PCDHA3: variants seen among roughly 807,000 people sequenced by gnomAD.
The protein encoded by PCDHA3 is protocadherin alpha 3, also known as protocadherin alpha-3.
PCDHA3 carries 41 observed loss-of-function variants against 62.2 expected under a neutral mutation model. The observed-to-expected ratio is 0.66, with a 90% CI of 0.51 to 0.86. The LOEUF is 0.86. Ranked by LOEUF, PCDHA3 falls within the 40% of genes least tolerant of loss-of-function variation. The pLI is 0.00. For missense variants in PCDHA3, 1,304 were observed against 1,241.2 expected (o/e 1.05, Z -0.76); for synonymous variants, 640 against 555.4 (o/e 1.15, Z -2.14).
intron 1 of PCDHA3, chr5:140,841,774 GTT>G (rs2150322506): frequency 6.2e-7 from 1 of 1,613,914 alleles, no homozygotes; most frequent in South Asian, 1.1e-5. Flanking sequence ...CAGACTCTCG[GTT>G]TCCGCTAGAG....
chr5:140,901,092 T>C (rs1374524038), intron 1 of PCDHA3, among the ~76,000 whole-genome samples: 5 of 152,228 alleles, frequency 3.3e-5, no homozygotes, highest in African/African-American at 1.2e-4. Context: ...TTGAGCTCCT[T>C]CTACATTCTG....
At chr5:140,835,591 A>T (rs2150238905) in intron 1 of PCDHA3, 2 of 1,613,686 alleles carry the variant, frequency 1.2e-6, no homozygotes, top group African/African-American at 2.7e-5. Flanking sequence ...ACCTTCAAGA[A>T]TTACTATTCA....
intron 1 of PCDHA3, among the ~76,000 whole-genome samples, chr5:140,969,746 T>C (rs1353204080): frequency 6.6e-6 from 1 of 152,224 alleles, no homozygotes; most frequent in African/African-American, 2.4e-5. Context: ...ATGAGTGATG[T>C]TTCTTAAAAA....
intron 1 of PCDHA3, among the ~76,000 whole-genome samples, chr5:140,959,119 G>A (rs576475580): frequency 3.3e-5 from 5 of 152,160 alleles, no homozygotes; most frequent in East Asian, 3.9e-4. Context: ...GAAGGTGGGC[G>A]AGGTGAGCCC....
At chr5:140,968,210 A>T (rs376166734) in intron 1 of PCDHA3, 4 of 1,613,882 alleles carry the variant, frequency 2.5e-6, no homozygotes, top group Non-Finnish European at 3.4e-6. Flanking sequence ...ACAGGAGAAC[A>T]ATTTGCCAGG....
chr5:140,993,177 C>A lies in PCDHA3; in HGVS notation c.2542+10614C>A, dbSNP rs551395516. ...CTAAATATTTGCCTTTGGGAAATTTCTTTAGAGGGAAACTCACTAAAGCTA... is the reference window on the plus strand; with the variant it reads ...CTAAATATTTGCCTTTGGGAAATTTATTTAGAGGGAAACTCACTAAAGCTA... On this transcript the variant is annotated intron_variant, in intron 3 of 3. Transcript: ENST00000522353. 6.6e-5 allele frequency among the ~76,000 whole-genome samples: 10 copies of A among 152,258 alleles called. No homozygotes were observed. In the East Asian group the frequency reaches 1.9e-3, roughly 29 times the overall value.
intron 1 of PCDHA3, chr5:140,807,885 T>C: frequency 6.2e-7 from 1 of 1,614,096 alleles, no homozygotes; most frequent in South Asian, 1.1e-5. Context: ...ATCACAGTAC[T>C]GGATGCCAAT....
intron 1 of PCDHA3, among the ~76,000 whole-genome samples, chr5:140,931,650 T>C (rs2087656696): frequency 6.6e-6 from 1 of 152,016 alleles, no homozygotes; most frequent in South Asian, 2.1e-4. Flanking sequence ...CTAATAATTG[T>C]TGTGGGCTGG....
intron 1 of PCDHA3, among the ~76,000 whole-genome samples, chr5:140,900,355 G>A (rs555553636): frequency 1.4e-4 from 21 of 152,070 alleles, no homozygotes; most frequent in East Asian, 3.9e-4. Flanking sequence ...TTGGCTCACC[G>A]CAACCTCTGC....
chr5:141,001,403 G>C (rs2098015477), intron 3 of PCDHA3, among the ~76,000 whole-genome samples: 1 of 152,232 alleles, frequency 6.6e-6, no homozygotes, highest in Non-Finnish European at 1.5e-5. Flanking sequence ...AGAACAGGGA[G>C]TATATTTTTA....
At position 140,877,459 on chromosome 5, in the gene PCDHA3, G is replaced by A. The variant is rs782125799; in HGVS notation, c.2394+73868G>A. ...CGGTGAGCCCGCGCTGACGTCCACGGCCACGGTGCTGGTGTCGCTGGTGGA... is the reference window on the plus strand; with the variant it reads ...CGGTGAGCCCGCGCTGACGTCCACGACCACGGTGCTGGTGTCGCTGGTGGA... On this transcript the variant is annotated intron_variant, in intron 1 of 3. Coordinates refer to ENST00000522353, the MANE Select transcript of PCDHA3 (RefSeq NM_018906.3). 98 of 1,613,712 alleles carry A rather than the reference G, an allele frequency of 6.1e-5. No individual in the cohort carries two copies. The East Asian group carries it at 2.1e-3, about 35-fold the overall frequency.
At chr5:140,953,911 AG>A (rs1554221121) in intron 1 of PCDHA3, among the ~76,000 whole-genome samples, 1 of 152,120 alleles carries the variant, frequency 6.6e-6, no homozygotes, top group South Asian at 2.1e-4. Flanking sequence ...AGCATCCATT[AG>A]GTATTCTTCC....
chr5:140,805,279 T>C (rs1763539905), intron 1 of PCDHA3: 60 of 1,278,380 alleles, frequency 4.7e-5, no homozygotes, highest in Non-Finnish European at 5.8e-5. Context: ...ATATTACAAA[T>C]GAAATGGGTG....
intron 1 of PCDHA3, chr5:140,871,311 C>A (rs782501180): frequency 6.2e-7 from 1 of 1,613,922 alleles, no homozygotes; most frequent in African/African-American, 1.3e-5. Flanking sequence ...CGGGGAAGCC[C>A]ACGCTGGTGT....
chr5:140,834,392 C>T (rs2150216428), intron 1 of PCDHA3: 20 of 1,595,562 alleles, frequency 1.3e-5, no homozygotes, highest in Non-Finnish European at 6.0e-6. Context: ...AAATGGTGTG[C>T]CCGAATGGAT....
In PCDHA3 at chr5:140,801,389, C is replaced by T; in HGVS notation, c.192C>T (p.Phe64=). ...LELAELVPRL[F]RVASKRHGDL... ...TGGCGGAGCTGGTGCCGCGCCTGTT[C>T]CGGGTGGCGTCCAAAAGACACGGGG... is the stretch of plus-strand genomic sequence containing the variant. The change falls in exon 1 of 4, where the codon TTC becomes TTT. Residue 64 remains phenylalanine (F), a synonymous_variant. Coordinates refer to ENST00000522353, the MANE Select transcript of PCDHA3 (RefSeq NM_018906.3). The T allele has an allele frequency of 6.2e-7, 1 of 1,613,606 alleles. No individual in the cohort carries two copies. The highest frequency in any genetic ancestry group is 8.5e-7 in the Non-Finnish European group (1 of 1,179,984).
chr5:140,967,279 T>C, intron 1 of PCDHA3: 1 of 1,613,002 alleles, frequency 6.2e-7, no homozygotes, highest in South Asian at 1.1e-5. Context: ...ACATAGAGAG[T>C]GCGCAGGACC....
intron 1 of PCDHA3, chr5:140,869,664 G>A (rs1554163333): frequency 5.0e-6 from 8 of 1,613,474 alleles, no homozygotes; most frequent in Non-Finnish European, 6.8e-6. Flanking sequence ...CAAATGGTAA[G>A]CAGATTAAAA....
intron 1 of PCDHA3, chr5:140,926,754 C>T: frequency 1.6e-6 from 2 of 1,283,492 alleles, no homozygotes; most frequent in Non-Finnish European, 2.0e-6. Flanking sequence ...TCGGCGGTCG[C>T]TGAGTATCCA....
Sources: allele counts gnomAD v4.1 joint callset (sites outside exome capture counted in the v4.1 genomes callset), GRCh38; gene constraint gnomAD v4.1.1; transcripts MANE v1.5; gene names NCBI Gene and HGNC (gene_info 2026-07-23, HGNC 2026-07-21).